Variants in TRPC6 observed in about 807,000 individuals in gnomAD.
TRPC6 encodes the protein transient receptor potential cation channel subfamily C member 6.
A neutral mutation model predicts 90.7 loss-of-function variants in TRPC6; 55 were observed. The ratio of observed to expected loss-of-function variants is 0.61; its 90% confidence interval spans 0.49 to 0.76. TRPC6 has a LOEUF of 0.76. TRPC6 is among the 30% of genes least tolerant of loss of function. TRPC6 has a pLI of 0.00. For synonymous variants in TRPC6, 393 were observed against 393.0 expected (o/e 1.00, Z 0.00); for missense variants, 989 against 1,122.7 (o/e 0.88, Z 1.70).
chr11:101,568,218 A>G (rs559636688), intron 1 of TRPC6, among the ~76,000 whole-genome samples: 1 of 152,244 alleles, frequency 6.6e-6, no homozygotes, highest in Non-Finnish European at 1.5e-5. Context: ...AACTTCGTGA[A>G]GCATGCACAA....
intron 1 of TRPC6, among the ~76,000 whole-genome samples, chr11:101,557,666 G>C (rs1861591063): frequency 6.6e-6 from 1 of 151,816 alleles, no homozygotes; most frequent in African/African-American, 2.4e-5. Context: ...ATACAGTAAA[G>C]TTGCAGGATA....
At chr11:101,583,233 CG>C in intron 1 of TRPC6, 100 bp downstream of exon 1, 1 of 1,479,978 alleles carries the variant, frequency 6.8e-7, no homozygotes, top group Non-Finnish European at 9.0e-7. Context: ...GGTACACACG[CG>C]GGTTCAGGAC....
chr11:101,534,220 CT>C (rs1860980127), intron 1 of TRPC6, among the ~76,000 whole-genome samples: 1 of 152,188 alleles, frequency 6.6e-6, no homozygotes. Flanking sequence ...ACTGCAACCT[CT>C]GCCTCCCTGG....
Position 101,472,251 on chromosome 11 carries a change from G to A in TRPC6, c.2091C>T (p.His697=). 6.2e-7 allele frequency: 1 copy of A among 1,613,278 alleles called. No homozygotes were observed. The highest frequency in any genetic ancestry group is 8.5e-7 in the Non-Finnish European group (1 of 1,179,532). The change falls in exon 8 of 13, where the codon CAC becomes CAT. Residue 697 remains histidine, a synonymous_variant. Transcript: ENST00000344327. ...CGTAACCAATGTTTTCAATGAATTT[G>A]TGGTTATAGTTGATGACCACTGATT... is the stretch of plus-strand genomic sequence containing the variant. ...EVKSVVINYN[H]KFIENIGYVL... is the part of the protein sequence containing the mutation.
intron 1 of TRPC6, among the ~76,000 whole-genome samples, chr11:101,579,062 G>A (rs1282818130): frequency 6.6e-6 from 1 of 151,836 alleles, no homozygotes; most frequent in Non-Finnish European, 1.5e-5. Context: ...ATCTATTCAA[G>A]TCTTGCCTCT....
intron 1 of TRPC6, among the ~76,000 whole-genome samples, chr11:101,563,403 C>G (rs1025285374): frequency 2.6e-5 from 4 of 152,114 alleles, no homozygotes; most frequent in Non-Finnish European, 4.4e-5. Context: ...TGTCTTTTCC[C>G]ATGTGTCTGC....
At position 101,473,643 on chromosome 11, in the gene TRPC6, T is replaced by TA. The variant is rs1461292952; in HGVS notation, c.1874dup (p.Ser626IlefsTer41). The TA allele has an allele frequency of 6.2e-7, 1 of 1,613,836 alleles. No homozygotes were observed. The highest frequency in any genetic ancestry group is 1.1e-5 in the South Asian group (1 of 91,084). ...TGTCTTTGACTGTTCTTCCAAGTGA[T>TA]ATCTGCAGAGGTCCAAAGCTTTCAT... On this transcript the variant is annotated frameshift_variant, in exon 7 of 13. Coordinates refer to ENST00000344327, the MANE Select transcript of TRPC6 (RefSeq NM_004621.6). LOFTEE classifies it high-confidence loss of function.
intron 1 of TRPC6, among the ~76,000 whole-genome samples, chr11:101,539,714 T>C (rs1193902105): frequency 6.6e-6 from 1 of 152,204 alleles, no homozygotes; most frequent in Non-Finnish European, 1.5e-5. Flanking sequence ...TGCTCATAAA[T>C]ATTATTATTA....
chr11:101,565,959 C>T (rs1383301483), intron 1 of TRPC6, among the ~76,000 whole-genome samples: 3 of 152,094 alleles, frequency 2.0e-5, no homozygotes, highest in African/African-American at 4.8e-5. Context: ...CAAGGACTTA[C>T]TAATATTTTC....
At chr11:101,462,746 A>G (rs1453423082) in intron 10 of TRPC6, among the ~76,000 whole-genome samples, 2 of 152,204 alleles carry the variant, frequency 1.3e-5, no homozygotes, top group Non-Finnish European at 2.9e-5. Context: ...CAATCATGTC[A>G]TCTACAAACA....
intron 1 of TRPC6, 194 bp downstream of exon 1, chr11:101,583,140 C>T (rs973871810): frequency 1.0e-6 from 1 of 983,708 alleles, no homozygotes; most frequent in African/African-American, 1.7e-5. Context: ...TAGACAACCC[C>T]GCCTCCCCCA....
chr11:101,573,008 T>TAAA (rs34831988), intron 1 of TRPC6, among the ~76,000 whole-genome samples: 2 of 149,894 alleles, frequency 1.3e-5, no homozygotes, highest in Admixed American at 6.6e-5. Context: ...AAAGTATAAT[T>TAAA]AAAAAAAAAA....
At chr11:101,496,082 G>A (rs1008538302) in intron 2 of TRPC6, among the ~76,000 whole-genome samples, 1 of 56,098 alleles carries the variant, frequency 1.8e-5, no homozygotes, top group Non-Finnish European at 3.4e-5. Context: ...GGCAGCAGGA[G>A]AGAGAGAGAG....
intron 1 of TRPC6, among the ~76,000 whole-genome samples, chr11:101,526,861 CAAAAAAAAAAAAAAAAAAAAAAAA>C (rs573864895): frequency 2.8e-5 from 1 of 36,132 alleles, no homozygotes; most frequent in Non-Finnish European, 4.7e-5. Context: ...GAGACTGTCT[CAAAAAAAAAAAAAAAAAAAAAAAA>C]AAAAAAAAAA....
At chr11:101,521,470 T>A (rs1428727319) in intron 1 of TRPC6, among the ~76,000 whole-genome samples, 1 of 152,252 alleles carries the variant, frequency 6.6e-6, no homozygotes, top group Non-Finnish European at 1.5e-5. Flanking sequence ...GGCAGAAGTC[T>A]ACTGCAGGGG....
intron 1 of TRPC6, among the ~76,000 whole-genome samples, chr11:101,516,471 C>T (rs762927546): frequency 4.6e-5 from 7 of 152,190 alleles, no homozygotes; most frequent in Admixed American, 1.3e-4. Context: ...TGAACCCCAA[C>T]GACCAACCAT....
At chr11:101,553,608 G>T (rs1419995058) in intron 1 of TRPC6, among the ~76,000 whole-genome samples, 10 of 152,074 alleles carry the variant, frequency 6.6e-5, no homozygotes, top group Admixed American at 6.6e-4. Flanking sequence ...ATCCACCCAG[G>T]TTGTGTTTCT....
chr11:101,537,101 C>A (rs910831321), intron 1 of TRPC6, among the ~76,000 whole-genome samples: 3 of 152,150 alleles, frequency 2.0e-5, no homozygotes, highest in Non-Finnish European at 2.9e-5. Context: ...ATTTGGAGTA[C>A]TTTGGGATAA....
chr11:101,552,774 A>C (rs961926604), intron 1 of TRPC6, among the ~76,000 whole-genome samples: 2 of 152,082 alleles, frequency 1.3e-5, no homozygotes, highest in Admixed American at 6.6e-5. Flanking sequence ...CTAAATATAC[A>C]TCTTATAGCC....
Sources: gnomAD v4.1 joint callset for allele counts (sites outside exome capture counted in the v4.1 genomes callset) on GRCh38, gnomAD v4.1.1 for gene constraint, MANE v1.5 for transcripts, NCBI Gene and HGNC (gene_info 2026-07-23, HGNC 2026-07-21) for gene names.